The following NCK2 variants were observed in gnomAD, a reference collection of about 807,000 sequenced individuals.
NCK2 encodes the protein cytoplasmic protein NCK2.
NCK2 carries 16 observed loss-of-function variants against 33.9 expected under a neutral mutation model. That is an observed-to-expected ratio of 0.47 (90% CI 0.32 to 0.72). NCK2 has a LOEUF of 0.72. Ranked by LOEUF, NCK2 falls within the 30% of genes least tolerant of loss-of-function variation. The probability of loss-of-function intolerance (pLI) is 0.03; values close to 1 mark genes in which losing one functional copy is unlikely to be tolerated. For synonymous variants in NCK2, 273 were observed against 239.9 expected (o/e 1.14, Z -1.27); for missense variants, 418 against 537.3 (o/e 0.78, Z 2.19).
At chr2:105,803,872 C>T (rs956671658) in intron 1 of NCK2, among the ~76,000 whole-genome samples, 4 of 152,108 alleles carry the variant, frequency 2.6e-5, no homozygotes, top group African/African-American at 7.2e-5. Context: ...ATAGTCAGCC[C>T]AGAGTCTTTC....
At chr2:105,864,241 G>A (rs548606866) in intron 3 of NCK2, among the ~76,000 whole-genome samples, 1 of 152,260 alleles carries the variant, frequency 6.6e-6, no homozygotes, top group Admixed American at 6.5e-5. Context: ...CGACTGGAAG[G>A]GCCTGAGCCT....
At chr2:105,852,403 C>A (rs1004409096) in intron 2 of NCK2, among the ~76,000 whole-genome samples, 1 of 152,122 alleles carries the variant, frequency 6.6e-6, no homozygotes, top group African/African-American at 2.4e-5. Flanking sequence ...AATTACATGG[C>A]AAGATGTAAA....
At position 105,861,804 on chromosome 2, in the gene NCK2, C is replaced by T. The variant is rs576307603; in HGVS notation, c.226+6515C>T. Among the ~76,000 whole-genome samples, 175 of 152,212 alleles carry T rather than the reference C, an allele frequency of 1.1e-3. 3 individuals carry two copies. Among genetic ancestry groups the T allele is most frequent in the African/African-American group, 4.0e-3 (165 of 41,512 alleles). ...TCCTGGGATTATAGGCATGAGCCAC[C>T]GCACCCGGCCAGTTTCTCTCATTTT... On this transcript the variant is annotated intron_variant, in intron 3 of 4. Coordinates refer to ENST00000233154, the MANE Select transcript of NCK2 (RefSeq NM_003581.5).
chr2:105,772,074 C>G (rs945139280), intron 1 of NCK2, among the ~76,000 whole-genome samples: 1 of 150,488 alleles, frequency 6.6e-6, no homozygotes, highest in Non-Finnish European at 1.5e-5. Context: ...ACTGCCGATC[C>G]TGGCTCAGCC....
intron 4 of NCK2, among the ~76,000 whole-genome samples, chr2:105,886,584 C>A (rs1054909605): frequency 6.6e-6 from 1 of 152,148 alleles, no homozygotes; most frequent in Non-Finnish European, 1.5e-5. Context: ...AGAACCACTA[C>A]GTTGTGGAGT....
chr2:105,778,396 G>A (rs1690380494), intron 1 of NCK2, among the ~76,000 whole-genome samples: 3 of 152,196 alleles, frequency 2.0e-5, no homozygotes. Flanking sequence ...TGCCCACTCT[G>A]ACCACATCTG....
chr2:105,834,818 A>G (rs2377338), intron 2 of NCK2, among the ~76,000 whole-genome samples: 139,409 of 152,106 alleles, frequency 0.92, 63,940 homozygotes, highest in East Asian at 0.98. Context: ...CTACAGGTAG[A>G]TGTGTGCTAC....
intron 3 of NCK2, among the ~76,000 whole-genome samples, chr2:105,862,047 C>G (rs1037461034): frequency 1.3e-5 from 2 of 152,038 alleles, no homozygotes; most frequent in African/African-American, 4.8e-5. Context: ...AGCCCTGCCC[C>G]GGGTAACTAA....
chr2:105,797,157 AG>A (rs1288005288), intron 1 of NCK2, among the ~76,000 whole-genome samples: 2 of 152,204 alleles, frequency 1.3e-5, no homozygotes, highest in Admixed American at 6.5e-5. Flanking sequence ...CCCACCCACA[AG>A]AAAAAAGTTG....
At chr2:105,876,754 A>G (rs1573237527) in intron 3 of NCK2, among the ~76,000 whole-genome samples, 2 of 152,368 alleles carry the variant, frequency 1.3e-5, no homozygotes, top group East Asian at 3.9e-4. Flanking sequence ...TTAATGAAAG[A>G]TGAGGCGATG....
chr2:105,835,834 T>C (rs1015179744), intron 2 of NCK2, among the ~76,000 whole-genome samples: 2 of 151,996 alleles, frequency 1.3e-5, no homozygotes, highest in African/African-American at 4.8e-5. Context: ...TCTTTTTTTC[T>C]GAATTCTGGT....
rs182494794 is a variant in NCK2 at position 105,762,469 on chromosome 2, C to T, written c.-201+17331C>T. 2.9e-3 allele frequency among the ~76,000 whole-genome samples: 434 copies of T among 152,250 alleles called. 5 individuals are homozygous for T. Among genetic ancestry groups the T allele is most frequent in the African/African-American group, 9.8e-3 (407 of 41,550 alleles). ...TAGAGATTCGCTGAAGCTCATGTCC[C>T]AGGGTCTTGACGTAGTGTGAAGTTC... On this transcript the variant is annotated intron_variant, in intron 1 of 4. Transcript: ENST00000233154.
At chr2:105,749,826 T>G (rs529969030) in intron 1 of NCK2, among the ~76,000 whole-genome samples, 27 of 152,150 alleles carry the variant, frequency 1.8e-4, no homozygotes, top group Admixed American at 6.5e-4. Context: ...GAAAGCTTAT[T>G]CCTGTTTAGT....
At chr2:105,815,282 T>C (rs1264749891) in intron 1 of NCK2, among the ~76,000 whole-genome samples, 1 of 152,256 alleles carries the variant, frequency 6.6e-6, no homozygotes, top group Non-Finnish European at 1.5e-5. Flanking sequence ...AATTAATTTT[T>C]AAATCAAAAT....
chr2:105,890,349 T>G (rs1402878582), intron 4 of NCK2, among the ~76,000 whole-genome samples: 1 of 152,244 alleles, frequency 6.6e-6, no homozygotes, highest in Non-Finnish European at 1.5e-5. Flanking sequence ...ATCTTACATC[T>G]ACCATGATTC....
intron 3 of NCK2, among the ~76,000 whole-genome samples, chr2:105,857,427 G>C (rs1389845261): frequency 6.6e-6 from 1 of 152,218 alleles, no homozygotes; most frequent in African/African-American, 2.4e-5. Context: ...AAAACAGATT[G>C]TTAGAAAGCT....
intron 2 of NCK2, among the ~76,000 whole-genome samples, chr2:105,850,650 C>G (rs557189189): frequency 1.3e-5 from 2 of 152,284 alleles, no homozygotes; most frequent in Admixed American, 6.5e-5. Flanking sequence ...CCTTGAACTG[C>G]TAAGCTAGAG....
intron 3 of NCK2, among the ~76,000 whole-genome samples, chr2:105,861,371 C>T (rs1573216889): frequency 1.3e-5 from 2 of 152,272 alleles, no homozygotes; most frequent in South Asian, 4.2e-4. Flanking sequence ...CTGGCTCGTG[C>T]ACCAGGTTCT....
At chr2:105,862,957 G>T (rs1456257454) in intron 3 of NCK2, among the ~76,000 whole-genome samples, 1 of 152,182 alleles carries the variant, frequency 6.6e-6, no homozygotes, top group African/African-American at 2.4e-5. Context: ...CCTTTAAGAG[G>T]CCAGAAAGAA....
Sources: allele counts gnomAD v4.1 joint callset (sites outside exome capture counted in the v4.1 genomes callset), GRCh38; gene constraint gnomAD v4.1.1; transcripts MANE v1.5; gene names NCBI Gene and HGNC (gene_info 2026-07-23, HGNC 2026-07-21).